ZEB1: variants seen among roughly 807,000 people sequenced by gnomAD.
ZEB1 encodes the protein zinc finger E-box-binding homeobox 1.
In ZEB1, 21 loss-of-function variants were observed where a neutral mutation model predicts 84.9. The ratio of observed to expected loss-of-function variants is 0.25; its 90% CI spans 0.18 to 0.36. ZEB1 has a LOEUF of 0.36. Ranked by LOEUF, ZEB1 falls within the 10% of genes least tolerant of loss-of-function variation. The probability of loss-of-function intolerance (pLI) is 1.00; values close to 1 mark genes in which losing one functional copy is unlikely to be tolerated. For synonymous variants in ZEB1, 420 were observed against 471.1 expected (o/e 0.89, Z 1.41); for missense variants, 1,104 against 1,330.2 (o/e 0.83, Z 2.65).
chr10:31,351,924 A>C (rs1022336475), intron 1 of ZEB1, among the ~76,000 whole-genome samples: 2 of 152,166 alleles, frequency 1.3e-5, no homozygotes, highest in African/African-American at 2.4e-5. Context: ...GTTTATCTTT[A>C]AAGAAGTTTC....
At chr10:31,365,493 G>A (rs10826943) in intron 1 of ZEB1, among the ~76,000 whole-genome samples, 37,493 of 152,126 alleles carry the variant, frequency 0.25, 10,168 homozygotes, top group African/African-American at 0.68. Flanking sequence ...CATGTCTGTT[G>A]TTATGGAATT....
intron 1 of ZEB1, among the ~76,000 whole-genome samples, chr10:31,360,779 GC>G (rs1404258096): frequency 1.3e-5 from 2 of 152,146 alleles, no homozygotes; most frequent in African/African-American, 4.8e-5. Context: ...TTTTTTAAAT[GC>G]AAAGGTAAAT....
intron 1 of ZEB1, among the ~76,000 whole-genome samples, chr10:31,415,773 A>G (rs1161557284): frequency 6.6e-6 from 1 of 152,090 alleles, no homozygotes; most frequent in Non-Finnish European, 1.5e-5. Context: ...ATCTAGAAAC[A>G]CTAATATTGA....
intron 1 of ZEB1, among the ~76,000 whole-genome samples, chr10:31,408,080 A>G (rs1356844311): frequency 3.3e-5 from 5 of 151,994 alleles, no homozygotes; most frequent in South Asian, 2.1e-4. Context: ...AAAAATCACA[A>G]GCATTCTTAT....
intron 1 of ZEB1, among the ~76,000 whole-genome samples, chr10:31,443,245 G>A (rs554870740): frequency 2.6e-5 from 4 of 152,136 alleles, no homozygotes; most frequent in East Asian, 1.9e-4. Context: ...AGAATTCTCT[G>A]TAAAATAAAG....
chr10:31,474,098 G>A lies in ZEB1; in HGVS notation c.259+12861G>A, dbSNP rs189570087. On this transcript the variant is annotated intron_variant, in intron 2 of 8. Transcript: ENST00000424869. ...AGATTTAAATGTTAAACCTAAAACCGTAAAAACCCTAGAAGAAAACCTAGG... is the reference window on the plus strand; with the variant it reads ...AGATTTAAATGTTAAACCTAAAACCATAAAAACCCTAGAAGAAAACCTAGG... 4.5e-3 allele frequency among the ~76,000 whole-genome samples: 686 copies of A among 152,156 alleles called. 6 individuals carry two copies. Among genetic ancestry groups the A allele is most frequent in the African/African-American group, 0.014 (573 of 41,538 alleles).
At chr10:31,516,644 G>A (rs1249441363) in intron 6 of ZEB1, among the ~76,000 whole-genome samples, 1 of 148,472 alleles carries the variant, frequency 6.7e-6, no homozygotes, top group African/African-American at 2.5e-5. Flanking sequence ...GTTATTCCTT[G>A]GAACAACATA....
At chr10:31,319,589 G>T (rs1337444961) in intron 1 of ZEB1, 4 of 392,908 alleles carry the variant, frequency 1.0e-5, no homozygotes, top group Non-Finnish European at 1.8e-5. Flanking sequence ...CGACGCCGCC[G>T]CATCCCCGGC....
chr10:31,452,701 A>ATATG (rs1554878661), intron 1 of ZEB1, among the ~76,000 whole-genome samples: 2 of 90,250 alleles, frequency 2.2e-5, no homozygotes. Context: ...TTAGGATAAA[A>ATATG]TGTGTGTGTG....
chr10:31,358,313 C>G (rs1022025598), intron 1 of ZEB1: 3 of 152,178 alleles, frequency 2.0e-5, no homozygotes, highest in Non-Finnish European at 4.4e-5. Context: ...ATGTGAAACA[C>G]CACCTTCCCC....
At chr10:31,409,183 A>G (rs1216458861) in intron 1 of ZEB1, among the ~76,000 whole-genome samples, 1 of 152,232 alleles carries the variant, frequency 6.6e-6, no homozygotes, top group East Asian at 1.9e-4. Context: ...ATGCAAATCA[A>G]AACCACAATG....
At chr10:31,413,781 T>G (rs1288428462) in intron 1 of ZEB1, among the ~76,000 whole-genome samples, 1 of 152,182 alleles carries the variant, frequency 6.6e-6, no homozygotes, top group African/African-American at 2.4e-5. Context: ...AGACTGCAAT[T>G]TAGTACAATT....
chr10:31,413,179 C>T (rs2054611716), intron 1 of ZEB1, among the ~76,000 whole-genome samples: 1 of 152,150 alleles, frequency 6.6e-6, no homozygotes, highest in African/African-American at 2.4e-5. Context: ...AATATCTGTT[C>T]ACCAGATGCC....
chr10:31,480,273 ACT>A (rs1275148534), intron 2 of ZEB1, among the ~76,000 whole-genome samples: 1 of 152,056 alleles, frequency 6.6e-6, no homozygotes, highest in African/African-American at 2.4e-5. Context: ...AATGTTTAAA[ACT>A]CTGATCATAT....
intron 1 of ZEB1, among the ~76,000 whole-genome samples, chr10:31,338,355 A>G (rs781015883): frequency 1.1e-4 from 16 of 152,190 alleles, no homozygotes; most frequent in African/African-American, 2.2e-4. Flanking sequence ...AGATCCTGCT[A>G]TCTTTGATAG....
At chr10:31,361,211 C>T in intron 1 of ZEB1, 4 of 1,611,418 alleles carry the variant, frequency 2.5e-6, no homozygotes, top group Non-Finnish European at 3.4e-6. Context: ...AACATCGTTT[C>T]AGGACGCAGT....
At chr10:31,381,433 C>T (rs1216113634) in intron 1 of ZEB1, among the ~76,000 whole-genome samples, 1 of 152,032 alleles carries the variant, frequency 6.6e-6, no homozygotes, top group Non-Finnish European at 1.5e-5. Flanking sequence ...AATTAACATC[C>T]AGTGTATTTG....
At chr10:31,388,162 G>A (rs1489087711) in intron 1 of ZEB1, among the ~76,000 whole-genome samples, 1 of 152,158 alleles carries the variant, frequency 6.6e-6, no homozygotes, top group Non-Finnish European at 1.5e-5. Context: ...GATTAGGTCA[G>A]TCTTAGGCAA....
intron 2 of ZEB1, among the ~76,000 whole-genome samples, chr10:31,468,267 C>G (rs763221488): frequency 2.0e-5 from 3 of 152,154 alleles, no homozygotes; most frequent in Non-Finnish European, 4.4e-5. Flanking sequence ...CCACACCCCC[C>G]ACCCATCACC....
Sources: allele counts gnomAD v4.1 joint callset (sites outside exome capture counted in the v4.1 genomes callset), GRCh38; gene constraint gnomAD v4.1.1; transcripts MANE v1.5; gene names NCBI Gene and HGNC (gene_info 2026-07-23, HGNC 2026-07-21).